Variants in PTCHD1 observed in about 807,000 individuals in gnomAD.
PTCHD1 encodes the protein patched domain containing 1.
Under a neutral mutation model 34.6 loss-of-function variants are expected in PTCHD1, and 3 were observed. The ratio of observed to expected loss-of-function variants is 0.09; its 90% CI spans 0.04 to 0.22. PTCHD1 has a LOEUF of 0.22. Ranked by LOEUF, PTCHD1 falls within the 10% of genes least tolerant of loss-of-function variation. The pLI is 1.00. For missense variants in PTCHD1, 504 were observed against 685.5 expected, an observed-to-expected ratio of 0.74 and a Z score of 2.96; for synonymous variants, 305 against 283.1, an observed-to-expected ratio of 1.08 and a Z score of -0.77.
chrX:23,349,719 T>G (rs1167265897), intron 1 of PTCHD1, among the ~76,000 whole-genome samples: 2 of 111,575 alleles, frequency 1.8e-5, no homozygotes, highest in Non-Finnish European at 3.8e-5. Context: ...ACTATTATAG[T>G]TGGAGACTTC....
intron 1 of PTCHD1, among the ~76,000 whole-genome samples, chrX:23,379,005 C>G (rs760524748): frequency 3.6e-5 from 4 of 112,022 alleles, no homozygotes; most frequent in Non-Finnish European, 7.5e-5. Flanking sequence ...AGGTAAACCT[C>G]TTGTCTTATA....
chrX:23,334,765 TCGCCGCCGCCGCGGGCGCCGCTGC>T (rs1307414071), upstream of PTCHD1: 55 of 165,426 alleles, frequency 3.3e-4, no homozygotes, highest in Middle Eastern at 3.5e-3. Flanking sequence ...GCCGCCGCCG[TCGCCGCCGCCGCGGGCGCCGCTGC>T]CGCCGCCGCC....
intron 1 of PTCHD1, 35 bp downstream of exon 1, chrX:23,335,261 C>G: frequency 9.0e-7 from 1 of 1,111,423 alleles, no homozygotes; most frequent in Non-Finnish European, 1.2e-6. Flanking sequence ...ACTCCGCCAG[C>G]GCCGCGGCCG....
rs1253174058 is a variant in PTCHD1 at position 23,401,666 on chromosome X, T to C, written c.*7481T>C. The C allele has an allele frequency of 2.6e-5, 3 of 113,365 alleles. No individual in the cohort carries two copies. Among genetic ancestry groups the C allele is most frequent in the Non-Finnish European group, 5.6e-5 (3 of 53,454 alleles). The allele number at this position is 113,365 out of a possible 1,213,427, so 9.3% of individuals were successfully genotyped here. On this transcript the variant is annotated 3_prime_UTR_variant, in exon 3 of 3. Transcript: ENST00000379361. ...CACATGCACACCACCTTTTACAATATGCCTGACACATTTGAGGCACATTAA... is the reference window on the plus strand; with the variant it reads ...CACATGCACACCACCTTTTACAATACGCCTGACACATTTGAGGCACATTAA...
Position 23,398,392 on chromosome X carries a change from G to A in PTCHD1, c.*4207G>A, listed in dbSNP as rs780010909. ...CTGATCACCACATAGTGGGGCCACT[G>A]TAAAGGGGCTGCAAGTCCTGGATGT... On this transcript the variant is annotated 3_prime_UTR_variant, in exon 3 of 3. Coordinates refer to ENST00000379361, the MANE Select transcript of PTCHD1 (RefSeq NM_173495.3). 9.0e-6 allele frequency: 1 copy of A among 111,148 alleles called. No individual in the cohort carries two copies. Among genetic ancestry groups the A allele is most frequent in the African/African-American group, 3.3e-5 (1 of 30,570 alleles). 9.2% of individuals were successfully genotyped at this position (111,148 alleles called of 1,213,427 possible).
intron 1 of PTCHD1, among the ~76,000 whole-genome samples, chrX:23,353,255 T>C (rs1921693604): frequency 8.9e-6 from 1 of 112,619 alleles, no homozygotes; most frequent in Middle Eastern, 4.2e-3. Context: ...TCTAAACTAA[T>C]TTGCGACTTC....
Position 23,402,808 on chromosome X carries a change from T to G in PTCHD1, c.*8623T>G, listed in dbSNP as rs193206702. 44 of 112,638 alleles carry G rather than the reference T, an allele frequency of 3.9e-4. No homozygotes were observed. In the East Asian group the frequency reaches 9.2e-3, roughly 23 times the overall value. 9.3% of individuals were successfully genotyped at this position (112,638 alleles called of 1,213,427 possible). A position where few individuals can be genotyped will look rare whatever the true frequency, so the allele number is the denominator to read the frequency against. ...TCATTCCTCTAAATGTACAAAGGTT[T>G]CAAAGTTGTAAAAAATATGTCTACA... On this transcript the variant is annotated 3_prime_UTR_variant, in exon 3 of 3. Transcript: ENST00000379361.
chrX:23,372,460 A>G (rs73469329), intron 1 of PTCHD1, among the ~76,000 whole-genome samples: 1,749 of 110,953 alleles, frequency 0.016, 30 homozygotes, highest in African/African-American at 0.052. Flanking sequence ...ACGTGTTTTC[A>G]TAGGTTCATT....
rs1207982131 is a variant in PTCHD1 at position 23,400,693 on chromosome X, T to G, written c.*6508T>G. On this transcript the variant is annotated 3_prime_UTR_variant, in exon 3 of 3. Transcript: ENST00000379361. Reference sequence around the variant, plus strand: ...GGGAAGGGCTGGGTGAATCACTGCTTGGCCTTGCATGAAGCACAAAGGACA... The same window carrying G: ...GGGAAGGGCTGGGTGAATCACTGCTGGGCCTTGCATGAAGCACAAAGGACA... 8.9e-6 allele frequency: 1 copy of G among 111,898 alleles called. No individual in the cohort carries two copies. Among genetic ancestry groups the G allele is most frequent in the Non-Finnish European group, 1.9e-5 (1 of 53,216 alleles). 9.2% of individuals were successfully genotyped at this position (111,898 alleles called of 1,213,427 possible).
chrX:23,335,324 GC>G, intron 1 of PTCHD1, 98 bp downstream of exon 1: 1 of 705,642 alleles, frequency 1.4e-6, no homozygotes, highest in Non-Finnish European at 2.2e-6. Context: ...ACCTCTCCTA[GC>G]CCAGGCAGCT....
chrX:23,337,610 C>CTA, intron 1 of PTCHD1, among the ~76,000 whole-genome samples: 2 of 110,050 alleles, frequency 1.8e-5, no homozygotes, highest in Non-Finnish European at 3.8e-5. Flanking sequence ...ATTGTTGTTA[C>CTA]TAGTGTTATT....
rs1315207117 is a variant in PTCHD1 at position 23,358,426 on chromosome X, T to A, written c.352-21165T>A. On this transcript the variant is annotated intron_variant, in intron 1 of 2. Coordinates refer to ENST00000379361, the MANE Select transcript of PTCHD1 (RefSeq NM_173495.3). The stretch of plus-strand genomic sequence containing the variant: ...GATGACCAGTGATGATGAGCATTTT[T>A]CCATGTGTCTGTTGGCTTCTTTTGA... Among the ~76,000 whole-genome samples, 11 of 112,697 alleles carry A rather than the reference T, an allele frequency of 9.8e-5. No homozygotes were observed. The South Asian group carries it at 1.1e-3, about 11-fold the overall frequency.
chrX:23,358,375 A>T (rs1394809470), intron 1 of PTCHD1, among the ~76,000 whole-genome samples: 1 of 111,885 alleles, frequency 8.9e-6, no homozygotes, highest in African/African-American at 3.3e-5. Flanking sequence ...ATGGTATCTC[A>T]TTGTGGTTTT....
chrX:23,351,438 CTT>C (rs1921631480), intron 1 of PTCHD1: 1 of 553,500 alleles, frequency 1.8e-6, no homozygotes, highest in South Asian at 2.5e-5. Context: ...AGAACCCTCT[CTT>C]TTGGAAAACA....
chrX:23,361,811 T>C (rs1047298869), intron 1 of PTCHD1, among the ~76,000 whole-genome samples: 3 of 112,137 alleles, frequency 2.7e-5, no homozygotes, highest in Admixed American at 9.5e-5. Flanking sequence ...CCATGTTTAG[T>C]GCTTCCTTCA....
intron 1 of PTCHD1, among the ~76,000 whole-genome samples, chrX:23,344,796 A>C (rs1921433293): frequency 8.9e-6 from 1 of 111,752 alleles, no homozygotes; most frequent in Non-Finnish European, 1.9e-5. Flanking sequence ...TTTGAATTAA[A>C]GGTTCTGAGA....
At chrX:23,337,638 G>C (rs926614035) in intron 1 of PTCHD1, among the ~76,000 whole-genome samples, 2 of 110,777 alleles carry the variant, frequency 1.8e-5, no homozygotes, top group African/African-American at 6.6e-5. Context: ...TTCGTTACTG[G>C]CATCAAGGAT....
At chrX:23,369,848 C>G (rs1922233732) in intron 1 of PTCHD1, among the ~76,000 whole-genome samples, 2 of 111,753 alleles carry the variant, frequency 1.8e-5, no homozygotes, top group Non-Finnish European at 1.9e-5. Flanking sequence ...CCCAGCTGTT[C>G]CCTTCAAATA....
chrX:23,380,954 T>C (rs1922548304), intron 2 of PTCHD1, among the ~76,000 whole-genome samples: 1 of 111,607 alleles, frequency 9.0e-6, no homozygotes, highest in Admixed American at 9.5e-5. Context: ...GTTATAAGCC[T>C]TCAGCAAGCT....
Sources: gnomAD v4.1 joint callset for allele counts (sites outside exome capture counted in the v4.1 genomes callset) on GRCh38, gnomAD v4.1.1 for gene constraint, MANE v1.5 for transcripts, NCBI Gene and HGNC (gene_info 2026-07-23, HGNC 2026-07-21) for gene names.